The following FSIP2 variants were observed in gnomAD, a reference collection of about 807,000 sequenced individuals.
The protein encoded by FSIP2 is fibrous sheath-interacting protein 2.
A neutral mutation model predicts 510.5 loss-of-function variants in FSIP2; 367 were observed. The observed-to-expected ratio is 0.72, with a 90% confidence interval of 0.66 to 0.78. The LOEUF (loss-of-function observed/expected upper bound fraction) is 0.78. Ranked by LOEUF, FSIP2 falls within the 30% of genes least tolerant of loss-of-function variation. The pLI is 0.00. For missense variants in FSIP2, 7,594 were observed against 7,901.7 expected (o/e 0.96, Z 1.48); for synonymous variants, 2,601 against 2,732.2 (o/e 0.95, Z 1.50).
chr2:185,772,581 A>G (rs1692626262), intron 13 of FSIP2, among the ~76,000 whole-genome samples: 1 of 152,016 alleles, frequency 6.6e-6, no homozygotes, highest in Non-Finnish European at 1.5e-5. Flanking sequence ...ACAAGAACTC[A>G]CTCATTACTG....
Position 185,804,437 on chromosome 2 carries a change from G to C in FSIP2, c.15131G>C (p.Arg5044Thr), listed in dbSNP as rs1693512757. Residue 5044 changes from arginine to threonine, a missense_variant, in exon 17 of 23, where the codon AGG becomes ACG. By Grantham distance (71) the Arg-to-Thr change is moderately conservative. Coordinates refer to ENST00000424728, the MANE Select transcript of FSIP2 (RefSeq NM_173651.4). ...DQYKSLIQIHRVIQSDTICFG... is the reference protein window; with the variant it reads ...DQYKSLIQIHTVIQSDTICFG... Reference sequence around the variant, plus strand: ...TATAAATCTCTGATTCAAATACATAGGGTTATACAAAGTGACACAATATGT... The same window carrying C: ...TATAAATCTCTGATTCAAATACATACGGTTATACAAAGTGACACAATATGT... The C allele has an allele frequency of 2.0e-6, 3 of 1,513,416 alleles. No individual in the cohort carries two copies. Among genetic ancestry groups the C allele is most frequent in the African/African-American group, 1.4e-5 (1 of 71,986 alleles). 93.7% of individuals were successfully genotyped at this position (1,513,416 alleles called of 1,614,324 possible).
chr2:185,760,382 C>T (rs1305753464), intron 9 of FSIP2, among the ~76,000 whole-genome samples: 1 of 144,362 alleles, frequency 6.9e-6, no homozygotes, highest in Non-Finnish European at 1.5e-5. Flanking sequence ...AGTCACTCAG[C>T]TACTAGGTAT....
chr2:185,778,778 A>T (rs1692781011), intron 13 of FSIP2, among the ~76,000 whole-genome samples: 1 of 152,032 alleles, frequency 6.6e-6, no homozygotes, highest in Non-Finnish European at 1.5e-5. Context: ...TGTATTTCAA[A>T]TATATAGCTT....
intron 2 of FSIP2, among the ~76,000 whole-genome samples, chr2:185,742,138 A>G (rs975293114): frequency 2.0e-5 from 3 of 152,194 alleles, no homozygotes; most frequent in African/African-American, 7.2e-5. Flanking sequence ...CTATTATAAA[A>G]CTTAGTTTTT....
chr2:185,745,967 G>A (rs746458558), intron 5 of FSIP2, among the ~76,000 whole-genome samples: 12 of 152,020 alleles, frequency 7.9e-5, no homozygotes, highest in Non-Finnish European at 1.2e-4. Context: ...ATATAAATAT[G>A]TGCTGTCTAT....
chr2:185,793,815 GATA>G lies in FSIP2; in HGVS notation c.6682_6684del (p.Asn2228del), dbSNP rs1693198835. 1 of 1,532,528 alleles carries G rather than the reference GATA, an allele frequency of 6.5e-7. No individual in the cohort carries two copies. 94.9% of individuals were successfully genotyped at this position (1,532,528 alleles called of 1,614,324 possible). On this transcript the variant is annotated inframe_deletion, in exon 16 of 23. Coordinates refer to ENST00000424728, the MANE Select transcript of FSIP2 (RefSeq NM_173651.4). ...AAATCAGAAATCAGCTTATGCTGAT[GATA>G]ATCAGATAACTGTAGTAGAGAAAGA... is the stretch of plus-strand genomic sequence containing the variant.
At chr2:185,825,079 AT>A (rs1693992629) in intron 20 of FSIP2, among the ~76,000 whole-genome samples, 1 of 151,834 alleles carries the variant, frequency 6.6e-6, no homozygotes, top group Non-Finnish European at 1.5e-5. Context: ...ATAAAGTCAC[AT>A]TAAAAGTCAA....
intron 15 of FSIP2, 99 bp downstream of exon 15, chr2:185,786,387 C>A (rs1574177923): frequency 1.3e-6 from 1 of 754,148 alleles, no homozygotes; most frequent in Non-Finnish European, 2.1e-6. Context: ...TAGGAATCAT[C>A]CATTGATATT....
intron 21 of FSIP2, among the ~76,000 whole-genome samples, chr2:185,830,824 A>T (rs932132746): frequency 5.3e-5 from 8 of 151,856 alleles, no homozygotes; most frequent in Non-Finnish European, 1.2e-4. Flanking sequence ...ATTCTCTCAC[A>T]TTAGAGTTTT....
rs1693304791 is a variant in FSIP2, at chr2:185,797,054, G to C, written c.9918G>C (p.Glu3306Asp). 6.5e-7 allele frequency: 1 copy of C among 1,535,234 alleles called. No individual in the cohort carries two copies. Among genetic ancestry groups the C allele is most frequent in the Non-Finnish European group, 8.7e-7 (1 of 1,146,340 alleles). The change falls in exon 16 of 23, where the codon GAG becomes GAC. Residue 3306 changes from glutamate to aspartate, a missense_variant. Glu to Asp is a conservative substitution (Grantham distance 45). Transcript: ENST00000424728. ...AAAATCTAAGAGTGTTTCATTATGA[G>C]AACCTAAAACCAGTTGTTGAACCAA... Reference protein sequence around the residue: ...KGENLRVFHYENLKPVVEPNQ... With the variant: ...KGENLRVFHYDNLKPVVEPNQ...
At chr2:185,816,594 T>A (rs1209181486) in intron 19 of FSIP2, among the ~76,000 whole-genome samples, 1 of 151,702 alleles carries the variant, frequency 6.6e-6, no homozygotes, top group Admixed American at 6.6e-5. Context: ...TCCCACCACT[T>A]TGGGAGGCAG....
chr2:185,798,507 T>C (rs1029940401), intron 16 of FSIP2, among the ~76,000 whole-genome samples: 3 of 151,870 alleles, frequency 2.0e-5, no homozygotes, highest in African/African-American at 7.2e-5. Context: ...ATTACTATAA[T>C]ACCCCAGATC....
intron 9 of FSIP2, among the ~76,000 whole-genome samples, chr2:185,758,257 C>T (rs1358480823): frequency 1.3e-5 from 2 of 150,674 alleles, no homozygotes; most frequent in Admixed American, 6.7e-5. Flanking sequence ...TTTCCATGTT[C>T]GGGTGATTAT....
At chr2:185,810,726 C>CT (rs1257862090) in intron 17 of FSIP2, among the ~76,000 whole-genome samples, 1 of 151,636 alleles carries the variant, frequency 6.6e-6, no homozygotes, top group East Asian at 2.0e-4. Flanking sequence ...GACAGAGCCT[C>CT]TTTTTTGTGG....
chr2:185,824,560 T>A, intron 20 of FSIP2, 80 bp downstream of exon 20: 1 of 818,550 alleles, frequency 1.2e-6, no homozygotes, highest in Non-Finnish European at 2.0e-6. Context: ...AACTTGAAGT[T>A]AATACAGGTT....
chr2:185,808,926 C>A lies in FSIP2; in HGVS notation c.19620C>A (p.His6540Gln), dbSNP rs1693661531. Residue 6540 changes from histidine (H) to glutamine (Q), a missense_variant, in exon 17 of 23, where the codon CAC becomes CAA. Coordinates refer to ENST00000424728, the MANE Select transcript of FSIP2 (RefSeq NM_173651.4). ...TAGATCCAAAAATTATTTCAGAACACTTAGCAGTTATTTCTATAAAAACTC... is the reference window on the plus strand; with the variant it reads ...TAGATCCAAAAATTATTTCAGAACAATTAGCAGTTATTTCTATAAAAACTC... ...VKIDPKIISE[H>Q]LAVISIKTQP... is the part of the protein sequence containing the mutation. 6 of 1,607,378 alleles carry A rather than the reference C, an allele frequency of 3.7e-6. No individual in the cohort carries two copies. The highest frequency in any genetic ancestry group is 5.1e-6 in the Non-Finnish European group (6 of 1,178,128).
In FSIP2 at chr2:185,806,200, T is replaced by C. The variant is rs759791236; in HGVS notation, c.16894T>C (p.Leu5632=). 6.3e-7 allele frequency: 1 copy of C among 1,599,836 alleles called. No homozygotes were observed. The change falls in exon 17 of 23, where the codon TTG becomes CTG. Residue 5632 remains leucine (L), a synonymous_variant. Transcript: ENST00000424728. ...TGACAAGCTCTTTCAGTTATCCTCC[T>C]TGAAGTCCAAGAGAAATCTAGGGAC... ...KDDKLFQLSS[L]KSKRNLGTTT...
In FSIP2 at chr2:185,795,331, C is replaced by A. The variant is rs1164029517; in HGVS notation, c.8195C>A (p.Thr2732Asn). The A allele has an allele frequency of 3.9e-6, 6 of 1,534,748 alleles. No homozygotes were observed. The South Asian group carries it at 5.9e-5, about 15-fold the overall frequency. ...AKNLLDTKLP[T>N]SELKIYAKDI... ...AATTTACTGGACACAAAATTGCCCA[C>A]TTCAGAACTAAAAATATATGCCAAG... Residue 2732 changes from threonine to asparagine, a missense_variant, in exon 16 of 23, where the codon ACT becomes AAT. Coordinates refer to ENST00000424728, the MANE Select transcript of FSIP2 (RefSeq NM_173651.4).
rs776078458 is a variant in FSIP2 at position 185,813,855 on chromosome 2, TG to T, written c.20139del (p.Leu6713PhefsTer3). 4 of 1,613,688 alleles carry T rather than the reference TG, an allele frequency of 2.5e-6. No homozygotes were observed. Among genetic ancestry groups the T allele is most frequent in the Non-Finnish European group, 3.4e-6 (4 of 1,179,790 alleles). ...TLSTSSLKKF[L>X]SLSKCCQTTA... ...AGCACGAGCAGCCTGAAAAAATTTT[TG>T]TCACTAAGTAAATGTTGTCAGACCA... On this transcript the variant is annotated frameshift_variant, in exon 18 of 23. Coordinates refer to ENST00000424728, the MANE Select transcript of FSIP2 (RefSeq NM_173651.4). LOFTEE classifies it high-confidence loss of function.
Sources: allele counts gnomAD v4.1 joint callset (sites outside exome capture counted in the v4.1 genomes callset), GRCh38; gene constraint gnomAD v4.1.1; transcripts MANE v1.5; gene names NCBI Gene and HGNC (gene_info 2026-07-23, HGNC 2026-07-21).